The following KCNQ5 variants were observed in gnomAD, a reference collection of about 807,000 sequenced individuals.
The protein encoded by KCNQ5 is potassium voltage-gated channel subfamily Q member 5.
KCNQ5 carries 30 observed loss-of-function variants against 98.2 expected under a neutral mutation model. That is an observed-to-expected ratio of 0.31 (90% CI 0.23 to 0.41). The LOEUF is 0.41. KCNQ5 is among the 10% of genes least tolerant of loss of function. KCNQ5 has a pLI of 1.00. For synonymous variants in KCNQ5, 458 were observed against 449.4 expected (o/e 1.02, Z -0.24); for missense variants, 835 against 1,182.5 (o/e 0.71, Z 4.31).
chr6:72,707,572 T>C (rs1399793945), intron 1 of KCNQ5, among the ~76,000 whole-genome samples: 1 of 152,218 alleles, frequency 6.6e-6, no homozygotes, highest in Non-Finnish European at 1.5e-5. Context: ...GATAAAATGC[T>C]TAAATATTCA....
intron 1 of KCNQ5, among the ~76,000 whole-genome samples, chr6:72,747,862 CTAGGTTTA>C (rs1771484035): frequency 6.6e-6 from 1 of 152,132 alleles, no homozygotes. Flanking sequence ...CAAGATCCTA[CTAGGTTTA>C]TAAATAAAGA....
intron 1 of KCNQ5, among the ~76,000 whole-genome samples, chr6:72,669,652 G>A (rs767054966): frequency 2.0e-5 from 3 of 152,082 alleles, no homozygotes; most frequent in East Asian, 1.9e-4. Context: ...AGACTAGTTC[G>A]TGTTCATAGA....
Position 72,979,139 on chromosome 6 carries a change from C to T in KCNQ5, c.399-24769C>T, listed in dbSNP as rs538077460. Among the ~76,000 whole-genome samples the T allele has an allele frequency of 7.2e-5, 11 of 152,274 alleles. No individual in the cohort carries two copies. In the South Asian group the frequency reaches 8.3e-4, roughly 11 times the overall value. ...TGTGAATAGTGCCGCAGTAAACATA[C>T]GTGTGTATGTATCTTTATAGTAGCA... On this transcript the variant is annotated intron_variant, in intron 1 of 13. Transcript: ENST00000370398.
At chr6:72,797,502 CAAAAA>C (rs543983897) in intron 1 of KCNQ5, among the ~76,000 whole-genome samples, 2 of 87,386 alleles carry the variant, frequency 2.3e-5, no homozygotes, top group Non-Finnish European at 5.4e-5. Context: ...AAGACCCTGC[CAAAAA>C]AAAAAAAAAA....
chr6:73,060,482 C>T (rs1009369339), intron 3 of KCNQ5, among the ~76,000 whole-genome samples: 1 of 152,096 alleles, frequency 6.6e-6, no homozygotes. Context: ...GGTAAACTCT[C>T]TTAGAACCTT....
intron 5 of KCNQ5, among the ~76,000 whole-genome samples, chr6:73,083,042 C>T (rs545944189): frequency 5.3e-5 from 8 of 152,086 alleles, no homozygotes; most frequent in African/African-American, 1.9e-4. Context: ...AGGCACATGC[C>T]ACCATGCCCA....
rs112805601 is a variant in KCNQ5, at chr6:72,865,454, C to A, written c.399-138454C>A. 3.9e-3 allele frequency among the ~76,000 whole-genome samples: 593 copies of A among 152,238 alleles called. 6 individuals carry two copies. Among genetic ancestry groups the A allele is most frequent in the Non-Finnish European group, 5.7e-3 (389 of 68,024 alleles). ...AGTGGATTCACTACAGAATATCGAA[C>A]CTATCTCAGGTCATATAATGGTCCT... On this transcript the variant is annotated intron_variant, in intron 1 of 13. Transcript: ENST00000370398.
At chr6:73,076,607 C>A (rs1291329019) in intron 3 of KCNQ5, among the ~76,000 whole-genome samples, 5 of 152,118 alleles carry the variant, frequency 3.3e-5, no homozygotes, top group African/African-American at 1.2e-4. Flanking sequence ...CATTCCCTTG[C>A]AATGCACAGT....
chr6:73,067,195 G>T (rs1178695884), intron 3 of KCNQ5, among the ~76,000 whole-genome samples: 4 of 151,956 alleles, frequency 2.6e-5, no homozygotes, highest in Non-Finnish European at 5.9e-5. Context: ...TGACATAAAA[G>T]CTACCAAAAG....
At chr6:72,929,991 G>C (rs1277132196) in intron 1 of KCNQ5, among the ~76,000 whole-genome samples, 1 of 152,048 alleles carries the variant, frequency 6.6e-6, no homozygotes, top group African/African-American at 2.4e-5. Flanking sequence ...AAGATTTGAT[G>C]CTCATTCCTA....
chr6:72,859,872 G>A (rs1248088929), intron 1 of KCNQ5, among the ~76,000 whole-genome samples: 3 of 151,994 alleles, frequency 2.0e-5, no homozygotes, highest in Non-Finnish European at 2.9e-5. Context: ...TTACAGGTGT[G>A]AGCCACTGTG....
At chr6:72,797,881 A>ACC (rs1774424107) in intron 1 of KCNQ5, among the ~76,000 whole-genome samples, 1 of 152,182 alleles carries the variant, frequency 6.6e-6, no homozygotes, top group Admixed American at 6.5e-5. Context: ...TACCTTCTAT[A>ACC]TTCATTATTA....
intron 1 of KCNQ5, among the ~76,000 whole-genome samples, chr6:72,813,733 C>T (rs892961302): frequency 6.6e-6 from 1 of 152,152 alleles, no homozygotes; most frequent in African/African-American, 2.4e-5. Flanking sequence ...CACATTCTCT[C>T]ATATACTTTA....
At chr6:72,702,489 A>G (rs1768864075) in intron 1 of KCNQ5, among the ~76,000 whole-genome samples, 1 of 152,210 alleles carries the variant, frequency 6.6e-6, no homozygotes, top group Admixed American at 6.5e-5. Flanking sequence ...AAAAAGTATT[A>G]AGTGCCTGGA....
At chr6:72,879,228 C>T (rs1778540861) in intron 1 of KCNQ5, among the ~76,000 whole-genome samples, 1 of 152,108 alleles carries the variant, frequency 6.6e-6, no homozygotes, top group Non-Finnish European at 1.5e-5. Context: ...TTTGCACTCC[C>T]TCCAAGAGTG....
intron 1 of KCNQ5, among the ~76,000 whole-genome samples, chr6:72,818,762 ATATT>A (rs1286537571): frequency 3.3e-5 from 5 of 151,230 alleles, no homozygotes; most frequent in South Asian, 4.1e-4. Flanking sequence ...AAAATAATAA[ATATT>A]TAATTTAAAT....
chr6:72,895,483 A>G (rs1647948145), intron 1 of KCNQ5, among the ~76,000 whole-genome samples: 1 of 151,686 alleles, frequency 6.6e-6, no homozygotes, highest in Non-Finnish European at 1.5e-5. Flanking sequence ...TTGAAGGAAA[A>G]GAAGAAAGGG....
At chr6:72,855,253 C>T (rs890750886) in intron 1 of KCNQ5, among the ~76,000 whole-genome samples, 1 of 150,854 alleles carries the variant, frequency 6.6e-6, no homozygotes, top group Non-Finnish European at 1.5e-5. Context: ...GAAATTTAAA[C>T]GTTTATATCT....
chr6:72,900,817 GTTTT>G (rs559370389), intron 1 of KCNQ5, among the ~76,000 whole-genome samples: 1 of 151,516 alleles, frequency 6.6e-6, no homozygotes, highest in African/African-American at 2.4e-5. Context: ...AACACCTACT[GTTTT>G]TTTTATTTTT....
Sources: allele counts gnomAD v4.1 joint callset (sites outside exome capture counted in the v4.1 genomes callset), GRCh38; gene constraint gnomAD v4.1.1; transcripts MANE v1.5; gene names NCBI Gene and HGNC (gene_info 2026-07-23, HGNC 2026-07-21).